The following PEX5L variants were observed in gnomAD, a reference collection of about 807,000 sequenced individuals.
PEX5L encodes the protein peroxisomal biogenesis factor 5 like.
PEX5L carries 30 observed loss-of-function variants against 84.0 expected under a neutral mutation model. The observed-to-expected ratio is 0.36, with a 90% CI of 0.27 to 0.48. The LOEUF is 0.48. Ranked by LOEUF, PEX5L falls within the 20% of genes least tolerant of loss-of-function variation. PEX5L has a pLI of 0.99. For missense variants in PEX5L, 533 were observed against 754.6 expected (o/e 0.71, Z 3.44); for synonymous variants, 270 against 283.1 (o/e 0.95, Z 0.46).
At chr3:179,983,822 T>G (rs1786555997) in intron 1 of PEX5L, among the ~76,000 whole-genome samples, 1 of 152,076 alleles carries the variant, frequency 6.6e-6, no homozygotes, top group African/African-American at 2.4e-5. Flanking sequence ...CAATAGCTTC[T>G]CAATAGTTAA....
At chr3:179,879,188 T>C (rs766787198) in intron 5 of PEX5L, among the ~76,000 whole-genome samples, 31 of 152,330 alleles carry the variant, frequency 2.0e-4, no homozygotes, top group Middle Eastern at 6.8e-3. Flanking sequence ...CTTTCTAAGA[T>C]ACCTGTCACT....
intron 2 of PEX5L, 131 bp from the exon 3 acceptor site, chr3:179,898,377 G>C: frequency 1.8e-6 from 1 of 564,356 alleles, no homozygotes; most frequent in Non-Finnish European, 3.0e-6. Flanking sequence ...TGAATCTTGA[G>C]GCTTTTGGCT....
chr3:180,004,772 T>C (rs1191314229), intron 1 of PEX5L, among the ~76,000 whole-genome samples: 1 of 151,702 alleles, frequency 6.6e-6, no homozygotes. Context: ...ATTTATGCAG[T>C]CAAATTTGAA....
intron 2 of PEX5L, among the ~76,000 whole-genome samples, chr3:179,911,861 C>T (rs1047212041): frequency 3.9e-5 from 6 of 151,942 alleles, no homozygotes; most frequent in African/African-American, 1.5e-4. Flanking sequence ...TATATAATCA[C>T]AACAAAAAAG....
At chr3:179,980,963 G>T (rs1190796147) in intron 1 of PEX5L, among the ~76,000 whole-genome samples, 1 of 151,290 alleles carries the variant, frequency 6.6e-6, no homozygotes, top group Non-Finnish European at 1.5e-5. Flanking sequence ...GGCGGAGGTT[G>T]CAGTGAGCCG....
chr3:180,021,574 TGA>T (rs1205011582), intron 1 of PEX5L, among the ~76,000 whole-genome samples: 1 of 152,182 alleles, frequency 6.6e-6, no homozygotes, highest in East Asian at 1.9e-4. Context: ...AAGGATGATA[TGA>T]GAGAGGAGCG....
At chr3:179,834,162 C>T (rs1734145021) in intron 8 of PEX5L, among the ~76,000 whole-genome samples, 1 of 152,166 alleles carries the variant, frequency 6.6e-6, no homozygotes, top group Non-Finnish European at 1.5e-5. Context: ...TTCAACATTT[C>T]ACCTATAACT....
At chr3:179,862,225 A>T (rs148103633) in intron 7 of PEX5L, among the ~76,000 whole-genome samples, 3 of 152,202 alleles carry the variant, frequency 2.0e-5, no homozygotes, top group Admixed American at 1.3e-4. Flanking sequence ...ATGTGGTTGC[A>T]TTTAGGGCCC....
At chr3:179,883,546 G>A (rs1284383313) in intron 4 of PEX5L, among the ~76,000 whole-genome samples, 1 of 152,238 alleles carries the variant, frequency 6.6e-6, no homozygotes, top group Non-Finnish European at 1.5e-5. Context: ...CACTTTGGGA[G>A]GCTGAGGCAG....
At chr3:179,845,007 T>C (rs1418651971) in intron 8 of PEX5L, among the ~76,000 whole-genome samples, 3 of 152,210 alleles carry the variant, frequency 2.0e-5, no homozygotes, top group Non-Finnish European at 1.5e-5. Context: ...AATTAAATCT[T>C]TTTTTCACAT....
intron 1 of PEX5L, among the ~76,000 whole-genome samples, chr3:180,031,630 T>G (rs768034333): frequency 2.0e-5 from 3 of 152,236 alleles, no homozygotes; most frequent in Non-Finnish European, 4.4e-5. Context: ...CATTTAGCGT[T>G]AGAATTGCAC....
At chr3:179,815,480 G>A (rs938649161) in intron 10 of PEX5L, among the ~76,000 whole-genome samples, 1 of 152,222 alleles carries the variant, frequency 6.6e-6, no homozygotes. Context: ...AGCTACTAGG[G>A]ATGGTGAGGC....
At chr3:179,827,818 A>C (rs1346704132) in intron 8 of PEX5L, among the ~76,000 whole-genome samples, 3 of 152,136 alleles carry the variant, frequency 2.0e-5, no homozygotes, top group Non-Finnish European at 2.9e-5. Context: ...AAGGCTGCAA[A>C]TTGGTAGCCT....
intron 8 of PEX5L, among the ~76,000 whole-genome samples, chr3:179,828,198 C>T (rs1310409245): frequency 6.6e-6 from 1 of 152,066 alleles, no homozygotes; most frequent in Admixed American, 6.6e-5. Flanking sequence ...ATGCTGTATT[C>T]GGAACTGAGC....
intron 3 of PEX5L, among the ~76,000 whole-genome samples, chr3:179,888,396 C>T (rs1391388756): frequency 6.6e-6 from 1 of 152,048 alleles, no homozygotes; most frequent in African/African-American, 2.4e-5. Context: ...GTATCTAGTA[C>T]ATGCGTTTAT....
At chr3:179,892,168 T>C (rs1239225346) in intron 3 of PEX5L, among the ~76,000 whole-genome samples, 11 of 152,184 alleles carry the variant, frequency 7.2e-5, no homozygotes, top group Non-Finnish European at 1.5e-4. Flanking sequence ...ACTTCATTAG[T>C]TGCTAAGGCC....
In PEX5L at chr3:179,956,561, C is replaced by T. The variant is rs185907385; in HGVS notation, c.93+15033G>A. ...ATCTGTGTCCTCAATGAATGAGGTA[C>T]CAAAGTAAATTATCTCCTAAGTTTC... On this transcript the variant is annotated intron_variant, in intron 2 of 14. Coordinates refer to ENST00000467460, the MANE Select transcript of PEX5L (RefSeq NM_016559.3). 3.9e-5 allele frequency among the ~76,000 whole-genome samples: 6 copies of T among 152,150 alleles called. No homozygotes were observed. In the East Asian group the frequency reaches 1.2e-3, roughly 29 times the overall value.
intron 1 of PEX5L, among the ~76,000 whole-genome samples, chr3:180,006,883 T>C (rs746897401): frequency 2.0e-5 from 3 of 152,128 alleles, no homozygotes; most frequent in Non-Finnish European, 2.9e-5. Flanking sequence ...GGAGATACAA[T>C]TAAAGATGAG....
rs371013365 is a variant in PEX5L, at chr3:179,802,659, C to T, written c.1677-627G>A. Among the ~76,000 whole-genome samples, 62 of 151,914 alleles carry T rather than the reference C, an allele frequency of 4.1e-4. 1 individual carries two copies. The highest frequency in any genetic ancestry group is 1.4e-3 in the African/African-American group (60 of 41,398). On this transcript the variant is annotated intron_variant, in intron 14 of 14. Coordinates refer to ENST00000467460, the MANE Select transcript of PEX5L (RefSeq NM_016559.3). ...TTAATGCATTCGATTTTCCTCTGCT[C>T]TAGGAATGATTTGAACACTTAATGC... is the stretch of plus-strand genomic sequence containing the variant.
Sources: allele counts gnomAD v4.1 joint callset (sites outside exome capture counted in the v4.1 genomes callset), GRCh38; gene constraint gnomAD v4.1.1; transcripts MANE v1.5; gene names NCBI Gene and HGNC (gene_info 2026-07-23, HGNC 2026-07-21).